Variants in ADK observed in about 807,000 individuals in gnomAD.
ADK encodes the protein adenosine kinase.
Under a neutral mutation model 44.7 loss-of-function variants are expected in ADK, and 24 were observed. The observed-to-expected ratio is 0.54, with a 90% confidence interval of 0.39 to 0.76. The LOEUF is 0.76. Among genes scored for constraint, ADK ranks in the 30% least tolerant of loss-of-function variants. The pLI, the probability that ADK is intolerant of heterozygous loss-of-function variation, is 0.00. For missense variants in ADK, 321 were observed against 425.1 expected, an observed-to-expected ratio of 0.76 and a Z score of 2.15; for synonymous variants, 128 against 142.6, an observed-to-expected ratio of 0.90 and a Z score of 0.73.
At chr10:74,655,618 G>A (rs1589339532) in intron 9 of ADK, 1 of 447,788 alleles carries the variant, frequency 2.2e-6, no homozygotes, top group East Asian at 5.6e-5. Context: ...TACAAGATGA[G>A]GAGGAGGCCA....
intron 6 of ADK, among the ~76,000 whole-genome samples, chr10:74,524,913 G>T (rs1265461137): frequency 6.6e-6 from 1 of 152,136 alleles, no homozygotes; most frequent in Non-Finnish European, 1.5e-5. Flanking sequence ...AAAGGATTCA[G>T]TTTGCCTTCA....
chr10:74,379,157 A>T (rs1033047902), intron 4 of ADK, among the ~76,000 whole-genome samples: 3 of 152,018 alleles, frequency 2.0e-5, no homozygotes, highest in African/African-American at 7.2e-5. Flanking sequence ...GGAATGACAT[A>T]CTTTGGCTTG....
chr10:74,174,947 A>T (rs978709079), intron 1 of ADK, among the ~76,000 whole-genome samples: 4 of 152,248 alleles, frequency 2.6e-5, no homozygotes, highest in Non-Finnish European at 4.4e-5. Context: ...AGATTTGTAT[A>T]AACTGGCTTC....
chr10:74,343,708 A>G (rs534283632), intron 4 of ADK, among the ~76,000 whole-genome samples: 2 of 152,176 alleles, frequency 1.3e-5, no homozygotes, highest in Non-Finnish European at 2.9e-5. Flanking sequence ...TCCCAGGTTC[A>G]AGCAATTCTC....
chr10:74,216,373 CCTTCTCTGCCTTCAAAATGTTG>C (rs1311301187), intron 2 of ADK, among the ~76,000 whole-genome samples: 9 of 151,596 alleles, frequency 5.9e-5, no homozygotes, highest in African/African-American at 1.5e-4. Context: ...TTTTTTTTCT[CCTTCTCTGCCTTCAAAATGTTG>C]CTTCTCTGCC....
At chr10:74,619,801 A>G (rs940594967) in intron 9 of ADK, among the ~76,000 whole-genome samples, 1 of 152,212 alleles carries the variant, frequency 6.6e-6, no homozygotes, top group South Asian at 2.1e-4. Flanking sequence ...GCTCACTGCA[A>G]CCCGTATCTT....
chr10:74,413,806 A>G (rs181057658), intron 6 of ADK, among the ~76,000 whole-genome samples: 1 of 152,278 alleles, frequency 6.6e-6, no homozygotes, highest in African/African-American at 2.4e-5. Context: ...ACTAAACTCA[A>G]TCATTTCTAG....
chr10:74,252,888 T>C (rs1041378008), intron 3 of ADK, among the ~76,000 whole-genome samples: 4 of 152,196 alleles, frequency 2.6e-5, no homozygotes, highest in Admixed American at 2.6e-4. Context: ...CATACCCTCA[T>C]ATTGGGTGGC....
intron 4 of ADK, among the ~76,000 whole-genome samples, chr10:74,323,863 C>T (rs1189427592): frequency 1.3e-5 from 2 of 152,112 alleles, no homozygotes; most frequent in African/African-American, 2.4e-5. Context: ...AGCCACCGCT[C>T]CCGGCCCCAC....
rs760131833 is a variant in ADK at position 74,667,444 on chromosome 10, G to GTA, written c.878-2723_878-2722dup. ...AAGTATCTCAATGATGTGTGTGTGT[G>GTA]TATATATATATATATATCTCCAGAA... On this transcript the variant is annotated intron_variant, in intron 9 of 10. Coordinates refer to ENST00000539909, the MANE Select transcript of ADK (RefSeq NM_006721.4). 7.5e-3 allele frequency among the ~76,000 whole-genome samples: 1,102 copies of GTA among 147,004 alleles called. 14 individuals carry two copies. The highest frequency in any genetic ancestry group is 0.02 in the African/African-American group (816 of 40,234).
chr10:74,636,697 A>G (rs963688017), intron 9 of ADK, among the ~76,000 whole-genome samples: 1 of 152,250 alleles, frequency 6.6e-6, no homozygotes, highest in Non-Finnish European at 1.5e-5. Flanking sequence ...TAAGAACTAT[A>G]ATAGATGAAT....
At chr10:74,496,335 A>T (rs1847686629) in intron 6 of ADK, among the ~76,000 whole-genome samples, 1 of 152,162 alleles carries the variant, frequency 6.6e-6, no homozygotes, top group South Asian at 2.1e-4. Context: ...CAAGGGTGGG[A>T]CCAGGTGGAG....
chr10:74,162,521 TTGTG>T (rs10550667), intron 1 of ADK, among the ~76,000 whole-genome samples: 18,711 of 141,566 alleles, frequency 0.13, 1,280 homozygotes, highest in Middle Eastern at 0.21. Flanking sequence ...TGCATTTCTT[TTGTG>T]TGTGTGTGTG....
chr10:74,176,973 G>A (rs990842514), intron 1 of ADK: 20 of 1,564,126 alleles, frequency 1.3e-5, no homozygotes, highest in Non-Finnish European at 1.5e-5. Context: ...CTCGCGGGTG[G>A]TCTGGAGCCT....
At chr10:74,628,362 A>G (rs1468896885) in intron 9 of ADK, among the ~76,000 whole-genome samples, 1 of 152,054 alleles carries the variant, frequency 6.6e-6, no homozygotes, top group African/African-American at 2.4e-5. Flanking sequence ...TGTAGTTCAC[A>G]AGCCAAAGCT....
intron 6 of ADK, among the ~76,000 whole-genome samples, chr10:74,399,835 T>A (rs954997310): frequency 6.6e-6 from 1 of 152,084 alleles, no homozygotes; most frequent in Admixed American, 6.5e-5. Flanking sequence ...GACAGTGTAT[T>A]CTGATGAAAA....
rs535694842 is a variant in ADK at position 74,206,250 on chromosome 10, G to A, written c.140+5412G>A. On this transcript the variant is annotated intron_variant, in intron 2 of 10. Transcript: ENST00000539909. ...TATGGGAAGCAAGAATTGAAATTTG[G>A]GATATACACACAGACCAGGTGGTCT... Among the ~76,000 whole-genome samples the A allele has an allele frequency of 2.6e-4, 39 of 152,256 alleles. No individual in the cohort carries two copies. The South Asian group carries it at 7.7e-3, about 30-fold the overall frequency.
intron 7 of ADK, among the ~76,000 whole-genome samples, chr10:74,563,639 TAAATG>T (rs1249119230): frequency 2.0e-5 from 3 of 152,228 alleles, no homozygotes; most frequent in African/African-American, 7.2e-5. Flanking sequence ...TCAGCATTTT[TAAATG>T]AAATAGATTT....
intron 4 of ADK, among the ~76,000 whole-genome samples, chr10:74,385,804 C>T (rs1341135902): frequency 6.6e-6 from 1 of 152,132 alleles, no homozygotes; most frequent in Non-Finnish European, 1.5e-5. Context: ...ACTTATATAT[C>T]TGAGTCTAAA....
Sources: gnomAD v4.1 joint callset for allele counts (sites outside exome capture counted in the v4.1 genomes callset) on GRCh38, gnomAD v4.1.1 for gene constraint, MANE v1.5 for transcripts, NCBI Gene and HGNC (gene_info 2026-07-23, HGNC 2026-07-21) for gene names.